The following WNT3A variants were observed in gnomAD, a reference collection of about 807,000 sequenced individuals.
The protein encoded by WNT3A is Wnt family member 3A.
In WNT3A, 17 loss-of-function variants were observed where a neutral mutation model predicts 37.0. That is an observed-to-expected ratio of 0.46 (90% CI 0.31 to 0.69). WNT3A has a LOEUF of 0.69. Among genes scored for constraint, WNT3A ranks in the 30% least tolerant of loss-of-function variants. The probability of loss-of-function intolerance (pLI) is 0.05; values close to 1 mark genes in which losing one functional copy is unlikely to be tolerated. For synonymous variants in WNT3A, 187 were observed against 211.0 expected (o/e 0.89, Z 0.99); for missense variants, 411 against 510.2 (o/e 0.81, Z 1.87).
chr1:228,047,112 A>C (rs918385574), intron 2 of WNT3A, among the ~76,000 whole-genome samples: 10 of 152,172 alleles, frequency 6.6e-5, no homozygotes, highest in Admixed American at 5.9e-4. Context: ...GACAGTCTCC[A>C]GCCAGCAAGC....
In WNT3A at chr1:228,028,362, C is replaced by T. The variant is rs899895007; in HGVS notation, c.313+5454C>T. Among the ~76,000 whole-genome samples the T allele has an allele frequency of 2.7e-5, 4 of 146,336 alleles. No individual in the cohort carries two copies. In the East Asian group the frequency reaches 8.0e-4, roughly 29 times the overall value. On this transcript the variant is annotated intron_variant, in intron 2 of 3. Transcript: ENST00000284523. ...AGGCTGGAGTACAGTGGAGTGATCT[C>T]GGCTCACTGCAACCTCTGCCTCCCA...
rs115823790 is a variant in WNT3A at position 228,038,301 on chromosome 1, G to C, written c.314-12355G>C. On this transcript the variant is annotated intron_variant, in intron 2 of 3. Transcript: ENST00000284523. This position sits in a 1 kb window ranked among gnomAD's most constrained non-coding sequence, Gnocchi z 5.7. ...GCTCCGGCGGGCTCCGGCGGGGACC[G>C]GGGCGCGGGCTGAGTCCCCCTGTGT... Among the ~76,000 whole-genome samples the C allele has an allele frequency of 8.4e-3, 1,279 of 152,282 alleles. 19 individuals carry two copies. The highest frequency in any genetic ancestry group is 0.029 in the African/African-American group (1,199 of 41,562).
In WNT3A at chr1:228,022,790, C is replaced by G; in HGVS notation, c.195C>G (p.Ser65Arg). The change falls in exon 2 of 4, where the codon AGC (serine) becomes AGG (arginine). Residue 65 changes from serine to arginine, a missense_variant. By Grantham distance (110) the Ser-to-Arg change is moderately radical. Transcript: ENST00000284523. ...GGAACTACGTGGAGATCATGCCCAG[C>G]GTGGCCGAGGGCATCAAGATTGGCA... ...FCRNYVEIMP[S>R]VAEGIKIGIQ... The G allele has an allele frequency of 6.2e-7, 1 of 1,614,186 alleles. No individual in the cohort carries two copies. The highest frequency in any genetic ancestry group is 1.1e-5 in the South Asian group (1 of 91,088).
intron 1 of WNT3A, among the ~76,000 whole-genome samples, chr1:228,020,732 G>A (rs541092200): frequency 6.6e-6 from 1 of 152,218 alleles, no homozygotes; most frequent in African/African-American, 2.4e-5. Flanking sequence ...CAAGGGAGCC[G>A]ACTGTGCAAG....
intron 2 of WNT3A, among the ~76,000 whole-genome samples, chr1:228,023,346 GAC>G (rs1413030740): frequency 6.6e-6 from 1 of 152,086 alleles, no homozygotes; most frequent in Non-Finnish European, 1.5e-5. Flanking sequence ...CACAGAGAGA[GAC>G]AGAGACACAG....
At chr1:228,024,271 T>A (rs1480455865) in intron 2 of WNT3A, among the ~76,000 whole-genome samples, 1 of 152,248 alleles carries the variant, frequency 6.6e-6, no homozygotes, top group African/African-American at 2.4e-5. Flanking sequence ...TTGCACCATT[T>A]TATATTCCTA....
intron 2 of WNT3A, among the ~76,000 whole-genome samples, chr1:228,035,820 A>T (rs1014915850): frequency 2.7e-5 from 4 of 150,908 alleles, no homozygotes; most frequent in Non-Finnish European, 5.9e-5. Flanking sequence ...CATCCCACTT[A>T]CCTCCCCTGG....
At chr1:228,051,639 G>T (rs1173279402) in intron 3 of WNT3A, among the ~76,000 whole-genome samples, 2 of 152,256 alleles carry the variant, frequency 1.3e-5, no homozygotes, top group Non-Finnish European at 1.5e-5. Flanking sequence ...CCAGGGTGTG[G>T]ATCGCTCTGG....
intron 2 of WNT3A, among the ~76,000 whole-genome samples, chr1:228,035,845 C>T (rs1001112926): frequency 1.3e-5 from 2 of 152,196 alleles, no homozygotes; most frequent in Admixed American, 6.5e-5. Context: ...TCTCCTTCTC[C>T]GCTTCTCTGA....
At chr1:228,046,186 AGGG>A (rs1396367096) in intron 2 of WNT3A, among the ~76,000 whole-genome samples, 2 of 152,220 alleles carry the variant, frequency 1.3e-5, no homozygotes, top group African/African-American at 4.8e-5. Flanking sequence ...ATAGATCCAG[AGGG>A]GGCCTGGCAT....
At chr1:228,020,514 A>G (rs1455486388) in intron 1 of WNT3A, among the ~76,000 whole-genome samples, 1 of 152,196 alleles carries the variant, frequency 6.6e-6, no homozygotes, top group Non-Finnish European at 1.5e-5. Context: ...GGGACCCCGG[A>G]TGGTCATCCA....
At chr1:228,032,765 C>T (rs934365757) in intron 2 of WNT3A, among the ~76,000 whole-genome samples, 8 of 152,328 alleles carry the variant, frequency 5.3e-5, no homozygotes, top group Admixed American at 5.2e-4. Flanking sequence ...TCCAGAGTGT[C>T]TGCACCATTT....
At chr1:228,047,706 G>T (rs926866168) in intron 2 of WNT3A, among the ~76,000 whole-genome samples, 8 of 152,170 alleles carry the variant, frequency 5.3e-5, no homozygotes, top group Non-Finnish European at 8.8e-5. Flanking sequence ...TGTGGCTCTT[G>T]CTTCTGCTTC....
chr1:228,023,546 G>T (rs543082245), intron 2 of WNT3A, among the ~76,000 whole-genome samples: 13 of 151,496 alleles, frequency 8.6e-5, no homozygotes, highest in Non-Finnish European at 1.8e-4. Flanking sequence ...GAGAGAGACA[G>T]AAATAGAGAG....
chr1:228,010,541 G>A (rs566302850), intron 1 of WNT3A, among the ~76,000 whole-genome samples: 10 of 152,192 alleles, frequency 6.6e-5, no homozygotes, highest in Admixed American at 2.6e-4. Flanking sequence ...CATAGCCACC[G>A]TCGCTGCCTA....
In WNT3A at chr1:228,050,633, C is replaced by T. The variant is rs773564449; in HGVS notation, c.314-23C>T. On this transcript the variant is annotated intron_variant, in intron 2 of 3. Coordinates refer to ENST00000284523, the MANE Select transcript of WNT3A (RefSeq NM_033131.4). This position sits in a 1 kb window ranked among gnomAD's most constrained non-coding sequence, Gnocchi z 5.0. ...TCCTTTGAGCTGAGCCCTGTTAACCCTGCATCTCTCCTCTCTCTACAGCTA... is the reference window on the plus strand; with the variant it reads ...TCCTTTGAGCTGAGCCCTGTTAACCTTGCATCTCTCCTCTCTCTACAGCTA... 9 of 1,571,826 alleles carry T rather than the reference C, an allele frequency of 5.7e-6. No individual in the cohort carries two copies. In the East Asian group the frequency reaches 2.0e-4, roughly 35 times the overall value.
At chr1:228,027,154 G>A (rs75828843) in intron 2 of WNT3A, among the ~76,000 whole-genome samples, 9,418 of 152,198 alleles carry the variant, frequency 0.062, 656 homozygotes, top group East Asian at 0.19. Context: ...TATACACCAC[G>A]TTTTCTTTAT....
At chr1:228,058,911 G>T in intron 3 of WNT3A, 75 bp from the exon 4 acceptor site, 1 of 1,410,884 alleles carries the variant, frequency 7.1e-7, no homozygotes, top group South Asian at 1.3e-5. Context: ...GGCTGCAGGC[G>T]ACATGTAATG....
intron 1 of WNT3A, among the ~76,000 whole-genome samples, chr1:228,016,891 C>T (rs1240603184): frequency 2.6e-5 from 4 of 152,206 alleles, no homozygotes; most frequent in South Asian, 2.1e-4. Context: ...CCCTCATTAC[C>T]GCAGGGAGGG....
Sources: gnomAD v4.1 joint callset for allele counts (sites outside exome capture counted in the v4.1 genomes callset) on GRCh38, gnomAD v4.1.1 for gene constraint, Gnocchi (gnomAD v3.1) non-coding constraint, MANE v1.5 for transcripts, NCBI Gene and HGNC (gene_info 2026-07-23, HGNC 2026-07-21) for gene names.